OSTF1: variants seen among roughly 807,000 people sequenced by gnomAD.
OSTF1 encodes the protein osteoclast stimulating factor 1, also known as osteoclast-stimulating factor 1.
A neutral mutation model predicts 37.2 loss-of-function variants in OSTF1; 27 were observed. That is an observed-to-expected ratio of 0.73 (90% CI 0.54 to 1.00). The LOEUF (loss-of-function observed/expected upper bound fraction) is 1.00, where lower values mean the gene tolerates loss of function less well. Among genes scored for constraint, OSTF1 ranks in the 50% least tolerant of loss-of-function variants. The pLI, the probability that OSTF1 is intolerant of heterozygous loss-of-function variation, is 0.00. For synonymous variants in OSTF1, 82 were observed against 89.2 expected, an observed-to-expected ratio of 0.92 and a Z score of 0.46; for missense variants, 232 against 253.8, an observed-to-expected ratio of 0.91 and a Z score of 0.58.
intron 1 of OSTF1, among the ~76,000 whole-genome samples, chr9:75,095,955 G>A (rs1478546745): frequency 6.6e-6 from 1 of 151,438 alleles, no homozygotes; most frequent in Non-Finnish European, 1.5e-5. Flanking sequence ...GCAGTGGCGC[G>A]ATTTCGGCTC....
At chr9:75,136,306 C>G (rs11144247) in intron 7 of OSTF1, among the ~76,000 whole-genome samples, 37,132 of 151,882 alleles carry the variant, frequency 0.24, 5,040 homozygotes, top group East Asian at 0.41. Context: ...GTGTTTTTTC[C>G]CTTTGAGATC....
chr9:75,145,138 C>CCTATCTAT (rs759211679), intron 9 of OSTF1, among the ~76,000 whole-genome samples: 1,983 of 95,936 alleles, frequency 0.021, 14 homozygotes, highest in African/African-American at 0.025. Flanking sequence ...TATCTGCCTG[C>CCTATCTAT]CTATCTATCT....
At chr9:75,116,083 G>A (rs1024184192) in intron 1 of OSTF1, among the ~76,000 whole-genome samples, 5 of 151,882 alleles carry the variant, frequency 3.3e-5, no homozygotes, top group African/African-American at 9.7e-5. Flanking sequence ...CAGCCTGGGC[G>A]AAAGAGTGAG....
At chr9:75,139,518 T>C (rs1825906145) in intron 8 of OSTF1, among the ~76,000 whole-genome samples, 3 of 152,202 alleles carry the variant, frequency 2.0e-5, no homozygotes, top group South Asian at 4.1e-4. Flanking sequence ...AGTCTCCGCC[T>C]CCTGGATTCA....
intron 9 of OSTF1, among the ~76,000 whole-genome samples, chr9:75,146,424 C>T (rs1430349019): frequency 6.6e-6 from 1 of 152,180 alleles, no homozygotes; most frequent in East Asian, 1.9e-4. Flanking sequence ...TGTGGCTAGG[C>T]CTTTCTGTTG....
At chr9:75,117,991 C>A (rs1053272439) in intron 2 of OSTF1, among the ~76,000 whole-genome samples, 1 of 152,146 alleles carries the variant, frequency 6.6e-6, no homozygotes, top group African/African-American at 2.4e-5. Context: ...TTCCGGTATC[C>A]GTCCATTTAT....
chr9:75,102,362 G>A (rs1319322280), intron 1 of OSTF1, among the ~76,000 whole-genome samples: 2 of 152,236 alleles, frequency 1.3e-5, no homozygotes, highest in Admixed American at 1.3e-4. Flanking sequence ...TTTTCACTCT[G>A]TGAGTGGTGA....
intron 7 of OSTF1, 110 bp downstream of exon 7, chr9:75,134,505 A>C (rs1345156475): frequency 8.3e-6 from 5 of 600,180 alleles, no homozygotes. Context: ...CAAGCACATA[A>C]TTTAAAAATT....
intron 7 of OSTF1, among the ~76,000 whole-genome samples, chr9:75,135,344 C>CT (rs1271529169): frequency 2.0e-5 from 3 of 152,122 alleles, no homozygotes; most frequent in African/African-American, 7.2e-5. Context: ...TCTGCTTTTT[C>CT]TCTTGCTAAG....
chr9:75,092,311 C>A (rs1824989911), intron 1 of OSTF1, among the ~76,000 whole-genome samples: 1 of 152,156 alleles, frequency 6.6e-6, no homozygotes, highest in African/African-American at 2.4e-5. Context: ...ATCAGGGTTA[C>A]CTTGTTTGGG....
At position 75,141,700 on chromosome 9, in the gene OSTF1, C is replaced by G. The variant is rs555216116; in HGVS notation, c.586+768C>G. Among the ~76,000 whole-genome samples, 7 of 152,202 alleles carry G rather than the reference C, an allele frequency of 4.6e-5. No individual in the cohort carries two copies. The East Asian group carries it at 1.4e-3, about 29-fold the overall frequency. On this transcript the variant is annotated intron_variant, in intron 9 of 9. Coordinates refer to ENST00000346234, the MANE Select transcript of OSTF1 (RefSeq NM_012383.5). ...TCTAGACTTTGCTAAATCTTCTGGA[C>G]TTTATTCATAGTATTATGGGTGGTT...
At chr9:75,091,920 G>C (rs1018450549) in intron 1 of OSTF1, among the ~76,000 whole-genome samples, 1 of 152,158 alleles carries the variant, frequency 6.6e-6, no homozygotes, top group Non-Finnish European at 1.5e-5. Context: ...TTATTTTAAT[G>C]GCATTGAGAT....
chr9:75,133,843 T>G (rs1307778897), intron 6 of OSTF1, among the ~76,000 whole-genome samples: 1 of 152,210 alleles, frequency 6.6e-6, no homozygotes, highest in Non-Finnish European at 1.5e-5. Flanking sequence ...CCATTGATAC[T>G]TTTTCTGTTG....
At chr9:75,100,325 A>G (rs112714746) in intron 1 of OSTF1, among the ~76,000 whole-genome samples, 3 of 152,226 alleles carry the variant, frequency 2.0e-5, no homozygotes, top group African/African-American at 7.2e-5. Context: ...GAAGTTTAAG[A>G]AAAGATTCCA....
intron 8 of OSTF1, among the ~76,000 whole-genome samples, chr9:75,139,034 C>CTTTCTTTCT: frequency 7.2e-6 from 1 of 138,482 alleles, no homozygotes; most frequent in African/African-American, 3.0e-5. Flanking sequence ...ACACTTCTTT[C>CTTTCTTTCT]TTTCTTTCTT....
intron 1 of OSTF1, among the ~76,000 whole-genome samples, chr9:75,117,297 C>T (rs1825506160): frequency 2.0e-5 from 3 of 152,126 alleles, no homozygotes; most frequent in South Asian, 2.1e-4. Context: ...GGAACTTATT[C>T]GTCCTATCTA....
At chr9:75,095,169 G>T (rs1825052777) in intron 1 of OSTF1, among the ~76,000 whole-genome samples, 1 of 152,148 alleles carries the variant, frequency 6.6e-6, no homozygotes, top group African/African-American at 2.4e-5. Flanking sequence ...TCAATCTTTT[G>T]TTATAACAAA....
At chr9:75,102,150 T>G (rs1489480751) in intron 1 of OSTF1, among the ~76,000 whole-genome samples, 1 of 152,104 alleles carries the variant, frequency 6.6e-6, no homozygotes, top group Non-Finnish European at 1.5e-5. Flanking sequence ...TTTATTTTTG[T>G]TTTTTGTAGA....
chr9:75,131,925 C>A, intron 5 of OSTF1, 102 bp downstream of exon 5: 1 of 803,964 alleles, frequency 1.2e-6, no homozygotes, highest in Non-Finnish European at 2.1e-6. Context: ...ACACCCAGAT[C>A]AAGATCTAGA....
Sources: gnomAD v4.1 joint callset for allele counts (sites outside exome capture counted in the v4.1 genomes callset) on GRCh38, gnomAD v4.1.1 for gene constraint, MANE v1.5 for transcripts, NCBI Gene and HGNC (gene_info 2026-07-23, HGNC 2026-07-21) for gene names.